The following TRIOBP variants were observed in gnomAD, a reference collection of about 807,000 sequenced individuals.
TRIOBP encodes the protein TRIO and F-actin binding protein, also known as TRIO and F-actin-binding protein.
Under a neutral mutation model 238.8 loss-of-function variants are expected in TRIOBP, and 169 were observed. That is an observed-to-expected ratio of 0.71 (90% CI 0.62 to 0.80). TRIOBP has a LOEUF of 0.80. TRIOBP is among the 30% of genes least tolerant of loss of function. The pLI is 0.00. For synonymous variants in TRIOBP, 1,150 were observed against 1,274.4 expected (o/e 0.90, Z 2.08); for missense variants, 2,838 against 3,122.6 (o/e 0.91, Z 2.17).
intron 14 of TRIOBP, 95 bp from the exon 15 acceptor site, chr22:37,755,455 C>T (rs1925867946): frequency 8.5e-7 from 1 of 1,172,798 alleles, no homozygotes; most frequent in Non-Finnish European, 1.3e-6. Flanking sequence ...TTAGATGCAT[C>T]CTGGGAAGGA....
At chr22:37,740,100 G>A (rs1924864411) in intron 10 of TRIOBP, among the ~76,000 whole-genome samples, 1 of 152,214 alleles carries the variant, frequency 6.6e-6, no homozygotes, top group Non-Finnish European at 1.5e-5. Flanking sequence ...CTGTGATGGG[G>A]AATGTGGTAG....
At chr22:37,760,937 A>C (rs1926209773) in intron 17 of TRIOBP, among the ~76,000 whole-genome samples, 1 of 150,666 alleles carries the variant, frequency 6.6e-6, no homozygotes, top group South Asian at 2.1e-4. Context: ...GCGCCACGGC[A>C]CTCCAGCCTG....
intron 11 of TRIOBP, among the ~76,000 whole-genome samples, chr22:37,744,486 G>A (rs919224282): frequency 2.0e-5 from 3 of 152,212 alleles, no homozygotes; most frequent in Admixed American, 6.5e-5. Context: ...CAGCATTGGT[G>A]ATGTGTGGAA....
intron 8 of TRIOBP, 34 bp downstream of exon 8, chr22:37,733,446 C>T (rs950310484): frequency 1.3e-6 from 2 of 1,503,626 alleles, no homozygotes; most frequent in African/African-American, 2.8e-5. Flanking sequence ...GCCCCGCACC[C>T]CAAGGGGCGG....
rs369841385 is a variant in TRIOBP at position 37,755,663 on chromosome 22, C to T, written c.5687+4C>T. On this transcript the variant is annotated splice_donor_region_variant and intron_variant, in intron 15 of 23. Coordinates refer to ENST00000644935, the MANE Select transcript of TRIOBP (RefSeq NM_001039141.3). ...CTTCAGCCCCAGATGTCACCAAGTA[C>T]GTACTAAGCTGGACTGGGGCCTTGA... The T allele has an allele frequency of 1.4e-5, 22 of 1,613,626 alleles. No homozygotes were observed. Among genetic ancestry groups the T allele is most frequent in the South Asian group, 4.4e-5 (4 of 91,062 alleles).
intron 6 of TRIOBP, among the ~76,000 whole-genome samples, chr22:37,718,807 G>C (rs968362851): frequency 2.0e-5 from 3 of 150,406 alleles, no homozygotes; most frequent in African/African-American, 7.3e-5. Context: ...GGAGGACACA[G>C]AGCTGTGACA....
At chr22:37,760,981 AAAAAG>A (rs1569059979) in intron 17 of TRIOBP, among the ~76,000 whole-genome samples, 1 of 151,812 alleles carries the variant, frequency 6.6e-6, no homozygotes, top group African/African-American at 2.4e-5. Context: ...AAAAAAAAAA[AAAAAG>A]AAAGAAAAGA....
intron 7 of TRIOBP, among the ~76,000 whole-genome samples, chr22:37,729,942 C>T (rs189602825): frequency 1.3e-3 from 191 of 152,192 alleles, no homozygotes; most frequent in African/African-American, 4.1e-3. Flanking sequence ...ATTTCCTCAT[C>T]GATATGTATT....
At chr22:37,729,420 T>C (rs2413481) in intron 7 of TRIOBP, among the ~76,000 whole-genome samples, 1 of 152,144 alleles carries the variant, frequency 6.6e-6, no homozygotes, top group Non-Finnish European at 1.5e-5. Flanking sequence ...CTCACTTTGT[T>C]GCCCAGGTTG....
intron 11 of TRIOBP, among the ~76,000 whole-genome samples, chr22:37,743,502 G>A (rs1326391896): frequency 2.0e-5 from 3 of 152,180 alleles, no homozygotes; most frequent in East Asian, 1.9e-4. Context: ...TCATTCATTC[G>A]AGCCGTGCTT....
intron 17 of TRIOBP, among the ~76,000 whole-genome samples, chr22:37,763,825 C>T (rs1926355287): frequency 6.6e-6 from 1 of 152,190 alleles, no homozygotes. Context: ...CTTCTGTAGG[C>T]GAGAAGTCTA....
At chr22:37,717,375 G>A (rs544149348) in intron 6 of TRIOBP, among the ~76,000 whole-genome samples, 6 of 152,310 alleles carry the variant, frequency 3.9e-5, no homozygotes, top group South Asian at 2.1e-4. Flanking sequence ...GGACCCGAGC[G>A]GGTTGCCAGA....
intron 8 of TRIOBP, 123 bp downstream of exon 8, chr22:37,733,535 A>G (rs1360680221): frequency 1.7e-5 from 13 of 746,472 alleles, no homozygotes; most frequent in African/African-American, 5.2e-5. Flanking sequence ...TCGGAGTCCA[A>G]TCATGGGGAT....
At chr22:37,772,115 G>A (rs1926807732) in intron 22 of TRIOBP, among the ~76,000 whole-genome samples, 1 of 152,208 alleles carries the variant, frequency 6.6e-6, no homozygotes. Flanking sequence ...TAGGAGTTGG[G>A]TGGGTCAGGG....
intron 2 of TRIOBP, among the ~76,000 whole-genome samples, chr22:37,700,570 C>T (rs971659015): frequency 6.6e-6 from 1 of 152,092 alleles, no homozygotes; most frequent in Non-Finnish European, 1.5e-5. Context: ...GCCTGCACCA[C>T]CTTGCCCAGC....
Position 37,767,907 on chromosome 22 carries a change from C to T in TRIOBP, c.6473-167C>T, listed in dbSNP as rs1014431185. ...CCTGGGCTACTCTAGACTCCTGGTT[C>T]GGTGCTCTTTGCATAGCACTCCTTG... is the stretch of plus-strand genomic sequence containing the variant. On this transcript the variant is annotated intron_variant, in intron 18 of 23. Coordinates refer to ENST00000644935, the MANE Select transcript of TRIOBP (RefSeq NM_001039141.3). Among the ~76,000 whole-genome samples, 27 of 152,140 alleles carry T rather than the reference C, an allele frequency of 1.8e-4. 1 individual carries two copies. The highest frequency in any genetic ancestry group is 1.3e-3 in the Admixed American group (20 of 15,270).
At position 37,755,144 on chromosome 22, in the gene TRIOBP, A is replaced by T. The variant is rs1569056349; in HGVS notation, c.5531A>T (p.Asp1844Val). 6.2e-7 allele frequency: 1 copy of T among 1,613,808 alleles called. No individual in the cohort carries two copies. The highest frequency in any genetic ancestry group is 2.2e-5 in the East Asian group (1 of 44,852). Residue 1844 changes from aspartate to valine, a missense_variant, in exon 14 of 24, where the codon GAT becomes GTT. Asp to Val is a radical substitution (Grantham distance 152). Transcript: ENST00000644935. ...DGEIDLRSCT[D>V]VTEYAVQRNY... ...GAGATCGACCTGCGTTCCTGCACGG[A>T]TGTCACTGAGTACGCGGTGCAGCGC...
intron 5 of TRIOBP, among the ~76,000 whole-genome samples, chr22:37,713,866 A>C (rs758735785): frequency 6.7e-4 from 102 of 152,216 alleles, no homozygotes; most frequent in Non-Finnish European, 1.3e-3. Flanking sequence ...TAACCACGAA[A>C]AGAGAAGAGC....
chr22:37,732,787 C>T (rs79282898), intron 7 of TRIOBP, among the ~76,000 whole-genome samples: 6,955 of 152,310 alleles, frequency 0.046, 176 homozygotes, highest in South Asian at 0.094. Context: ...CGTCCCACCT[C>T]GTGGGCTGCG....
Sources: allele counts gnomAD v4.1 joint callset (sites outside exome capture counted in the v4.1 genomes callset), GRCh38; gene constraint gnomAD v4.1.1; transcripts MANE v1.5; gene names NCBI Gene and HGNC (gene_info 2026-07-23, HGNC 2026-07-21).